Variants in ATG5 observed in about 807,000 individuals in gnomAD.
The protein encoded by ATG5 is autophagy protein 5.
In ATG5, 14 loss-of-function variants were observed where a neutral mutation model predicts 36.5. The observed-to-expected ratio is 0.38, with a 90% CI of 0.25 to 0.60. The LOEUF (loss-of-function observed/expected upper bound fraction) is 0.60. Ranked by LOEUF, ATG5 falls within the 20% of genes least tolerant of loss-of-function variation. The pLI, the probability that ATG5 is intolerant of heterozygous loss-of-function variation, is 0.60. For missense variants in ATG5, 195 were observed against 326.7 expected, an observed-to-expected ratio of 0.60 and a Z score of 3.11; for synonymous variants, 95 against 101.5, an observed-to-expected ratio of 0.94 and a Z score of 0.38.
At position 106,311,876 on chromosome 6, in the gene ATG5, G is replaced by A. The variant is rs947116261; in HGVS notation, c.109-3385C>T. Among the ~76,000 whole-genome samples, 12 of 151,456 alleles carry A rather than the reference G, an allele frequency of 7.9e-5. No homozygotes were observed. In the South Asian group the frequency reaches 2.1e-3, roughly 26 times the overall value. On this transcript the variant is annotated intron_variant, in intron 2 of 7. Coordinates refer to ENST00000369076, the MANE Select transcript of ATG5 (RefSeq NM_004849.4). ...ATGGAGTTTCACTCTTCTCACCCAG[G>A]CTGGAGTACAAAGGCAAGATCTCGG...
intron 5 of ATG5, among the ~76,000 whole-genome samples, chr6:106,278,089 C>T (rs189631360): frequency 1.3e-5 from 2 of 152,052 alleles, no homozygotes; most frequent in East Asian, 1.9e-4. Context: ...TCGGCACATG[C>T]GACCATGCCC....
chr6:106,294,946 C>T (rs1248177209), intron 3 of ATG5, among the ~76,000 whole-genome samples: 1 of 151,548 alleles, frequency 6.6e-6, no homozygotes, highest in Non-Finnish European at 1.5e-5. Flanking sequence ...TTAATAATAT[C>T]CCTTAAATTT....
intron 5 of ATG5, among the ~76,000 whole-genome samples, chr6:106,265,177 A>AG: frequency 6.6e-6 from 1 of 151,280 alleles, no homozygotes; most frequent in Admixed American, 6.6e-5. Flanking sequence ...GCAAAAAAAA[A>AG]AAAAAAAAAA....
chr6:106,224,573 C>CTATG (rs1470220543), intron 6 of ATG5, among the ~76,000 whole-genome samples: 3 of 152,250 alleles, frequency 2.0e-5, no homozygotes, highest in East Asian at 3.9e-4. Context: ...CAGAGAAGAA[C>CTATG]TATGTTAAGA....
At chr6:106,290,915 T>C (rs1013080702) in intron 4 of ATG5, among the ~76,000 whole-genome samples, 1 of 152,238 alleles carries the variant, frequency 6.6e-6, no homozygotes, top group African/African-American at 2.4e-5. Context: ...TTTCCAAAAT[T>C]CAAATTTTCA....
intron 6 of ATG5, among the ~76,000 whole-genome samples, chr6:106,235,580 A>G (rs1213096902): frequency 4.6e-5 from 7 of 152,180 alleles, no homozygotes; most frequent in African/African-American, 1.7e-4. Context: ...CTGGGCTTGC[A>G]ACTTAGCTCA....
At chr6:106,253,692 C>A (rs1313176547) in intron 5 of ATG5, among the ~76,000 whole-genome samples, 1 of 152,100 alleles carries the variant, frequency 6.6e-6, no homozygotes, top group Non-Finnish European at 1.5e-5. Context: ...TGCACAGCAT[C>A]CAGAAAGCTC....
At chr6:106,320,422 AT>A (rs1484652192) in intron 1 of ATG5, among the ~76,000 whole-genome samples, 1 of 152,236 alleles carries the variant, frequency 6.6e-6, no homozygotes, top group Admixed American at 6.5e-5. Context: ...CAATAAAGGT[AT>A]TAAGTGGGCA....
intron 7 of ATG5, among the ~76,000 whole-genome samples, chr6:106,200,520 G>A (rs931547974): frequency 1.3e-5 from 2 of 151,310 alleles, no homozygotes; most frequent in Non-Finnish European, 2.9e-5. Context: ...TGTCACCAAG[G>A]CTGGAGTGCA....
chr6:106,201,111 A>G (rs1231341259), intron 7 of ATG5, among the ~76,000 whole-genome samples: 2 of 152,232 alleles, frequency 1.3e-5, no homozygotes, highest in African/African-American at 2.4e-5. Flanking sequence ...TTAGGGAATA[A>G]TAACAAGAAA....
At chr6:106,259,434 A>G (rs1041668910) in intron 5 of ATG5, among the ~76,000 whole-genome samples, 4 of 152,190 alleles carry the variant, frequency 2.6e-5, no homozygotes, top group Non-Finnish European at 1.5e-5. Flanking sequence ...TTTTTCATTT[A>G]CAGCTCAGAT....
chr6:106,224,686 A>G (rs577799228), intron 6 of ATG5, among the ~76,000 whole-genome samples: 95 of 152,214 alleles, frequency 6.2e-4, no homozygotes, highest in African/African-American at 2.2e-3. Context: ...GACCAGCCTG[A>G]CAAAGATGGA....
intron 6 of ATG5, among the ~76,000 whole-genome samples, chr6:106,239,836 G>A (rs1778046059): frequency 6.6e-6 from 1 of 152,188 alleles, no homozygotes; most frequent in African/African-American, 2.4e-5. Context: ...ATATTTTCAT[G>A]TTACAGAATC....
intron 3 of ATG5, among the ~76,000 whole-genome samples, chr6:106,300,454 G>GTCAT (rs1770163157): frequency 6.6e-6 from 1 of 152,106 alleles, no homozygotes; most frequent in Non-Finnish European, 1.5e-5. Flanking sequence ...TAAATTCTGA[G>GTCAT]TCATTCTATC....
chr6:106,223,101 T>C (rs1011187124), intron 6 of ATG5, among the ~76,000 whole-genome samples: 1 of 152,182 alleles, frequency 6.6e-6, no homozygotes, highest in African/African-American at 2.4e-5. Context: ...TCCCCAGCTA[T>C]AAATAACTCA....
intron 7 of ATG5, among the ~76,000 whole-genome samples, chr6:106,201,353 G>A (rs1345096237): frequency 1.3e-5 from 2 of 151,282 alleles, no homozygotes; most frequent in East Asian, 3.9e-4. Context: ...CAGTTTTATT[G>A]TTTTCTGCAT....
At chr6:106,247,459 C>T (rs1778385588) in intron 6 of ATG5, among the ~76,000 whole-genome samples, 1 of 152,194 alleles carries the variant, frequency 6.6e-6, no homozygotes, top group Non-Finnish European at 1.5e-5. Flanking sequence ...TGGTACAACA[C>T]TGAAGACTCA....
rs573513962 is a variant in ATG5, at chr6:106,293,858, T to TA, written c.237-753dup. ...ATGGACAAACCTTAAGTCATCCTTT[T>TA]AAAAAATCTAAAGTAAATTAGCTTA... is the stretch of plus-strand genomic sequence containing the variant. On this transcript the variant is annotated intron_variant, in intron 3 of 7. Coordinates refer to ENST00000369076, the MANE Select transcript of ATG5 (RefSeq NM_004849.4). Among the ~76,000 whole-genome samples the TA allele has an allele frequency of 4.3e-3, 648 of 152,316 alleles. 5 individuals carry two copies. The highest frequency in any genetic ancestry group is 0.015 in the African/African-American group (616 of 41,578).
At chr6:106,241,019 G>C (rs907609005) in intron 6 of ATG5, among the ~76,000 whole-genome samples, 76 of 152,284 alleles carry the variant, frequency 5.0e-4, no homozygotes, top group Non-Finnish European at 1.0e-4. Context: ...CGGGCATGGT[G>C]GTGGGCACCT....
Sources: gnomAD v4.1 joint callset for allele counts (sites outside exome capture counted in the v4.1 genomes callset) on GRCh38, gnomAD v4.1.1 for gene constraint, MANE v1.5 for transcripts, NCBI Gene and HGNC (gene_info 2026-07-23, HGNC 2026-07-21) for gene names.